The following LIMK2 variants were observed in gnomAD, a reference collection of about 807,000 sequenced individuals.
The protein encoded by LIMK2 is LIM domain kinase 2.
Under a neutral mutation model 75.7 loss-of-function variants are expected in LIMK2, and 35 were observed. The ratio of observed to expected loss-of-function variants is 0.46; its 90% confidence interval spans 0.35 to 0.61. The LOEUF is 0.61. Among genes scored for constraint, LIMK2 ranks in the 20% least tolerant of loss-of-function variants. LIMK2 has a pLI of 0.00. For synonymous variants in LIMK2, 301 were observed against 319.2 expected (o/e 0.94, Z 0.61); for missense variants, 623 against 831.0 (o/e 0.75, Z 3.08).
At chr22:31,277,449 C>A in intron 15 of LIMK2, 1 of 1,151,356 alleles carries the variant, frequency 8.7e-7, no homozygotes, top group Non-Finnish European at 1.1e-6. Flanking sequence ...TCCAGCGGTC[C>A]ACATTAGAGT....
chr22:31,272,786 G>A, intron 13 of LIMK2, 82 bp downstream of exon 13: 1 of 1,496,652 alleles, frequency 6.7e-7, no homozygotes, highest in East Asian at 2.3e-5. Context: ...GAATTCCAGG[G>A]GAGGCCTGTG....
rs541785326 is a variant in LIMK2 at position 31,218,234 on chromosome 22, G to C, written c.16+5810G>C. 4.6e-5 allele frequency among the ~76,000 whole-genome samples: 7 copies of C among 152,344 alleles called. No homozygotes were observed. In the South Asian group the frequency reaches 1.4e-3, roughly 32 times the overall value. Reference sequence around the variant, plus strand: ...TTTTAAAGATTAGGAGACAAGCTCAGAGAGGTCAAATAATTTGCCCAAGGA... The same window carrying C: ...TTTTAAAGATTAGGAGACAAGCTCACAGAGGTCAAATAATTTGCCCAAGGA... On this transcript the variant is annotated intron_variant, in intron 1 of 15. Coordinates refer to ENST00000331728, the MANE Select transcript of LIMK2 (RefSeq NM_005569.4).
intron 1 of LIMK2, among the ~76,000 whole-genome samples, chr22:31,219,623 G>T (rs1414976364): frequency 6.6e-6 from 1 of 152,022 alleles, no homozygotes; most frequent in African/African-American, 2.4e-5. Flanking sequence ...CCAAGCTGGA[G>T]CGCAGTGGCA....
chr22:31,226,058 C>T (rs1410021049), intron 2 of LIMK2, among the ~76,000 whole-genome samples: 1 of 152,104 alleles, frequency 6.6e-6, no homozygotes, highest in Non-Finnish European at 1.5e-5. Flanking sequence ...ATGAGAGGAG[C>T]CCTTTCCAGG....
At chr22:31,212,552 G>T (rs2048355911) in intron 1 of LIMK2, 128 bp downstream of exon 1, 15 of 918,874 alleles carry the variant, frequency 1.6e-5, no homozygotes, top group Non-Finnish European at 2.2e-5. Flanking sequence ...GAGCTCCTCA[G>T]AAAAGCTGGG....
At position 31,262,870 on chromosome 22, in the gene LIMK2, A is replaced by G; in HGVS notation, c.854+79A>G. On this transcript the variant is annotated intron_variant, in intron 7 of 15. Transcript: ENST00000331728. The surrounding 1 kb of genome is among the most constrained non-coding windows in gnomAD (Gnocchi z 5.0). ...GCTGAGCTGGCTTTCAGAAGCCTGCAGAGTTAGGAAAGGAACCAGCTGGCC... is the reference window on the plus strand; with the variant it reads ...GCTGAGCTGGCTTTCAGAAGCCTGCGGAGTTAGGAAAGGAACCAGCTGGCC... 1 of 1,301,906 alleles carries G rather than the reference A, an allele frequency of 7.7e-7. No individual in the cohort carries two copies. The highest frequency in any genetic ancestry group is 1.0e-6 in the Non-Finnish European group (1 of 962,752). The allele number at this position is 1,301,906 out of a possible 1,614,324, so 80.6% of individuals were successfully genotyped here. A position where few individuals can be genotyped will look rare whatever the true frequency, so the allele number is the denominator to read the frequency against.
At chr22:31,246,730 G>A (rs1418795093) in intron 2 of LIMK2, among the ~76,000 whole-genome samples, 1 of 138,884 alleles carries the variant, frequency 7.2e-6, no homozygotes, top group Admixed American at 7.8e-5. Flanking sequence ...CCGCACTCCA[G>A]CCTGAGTGAC....
rs150879614 is a variant in LIMK2, at chr22:31,245,697, C to G, written c.117-12594C>G. On this transcript the variant is annotated intron_variant, in intron 2 of 15. Coordinates refer to ENST00000331728, the MANE Select transcript of LIMK2 (RefSeq NM_005569.4). Reference sequence around the variant, plus strand: ...TCAAGCAGTCCTCCCTCCTTGGCCTCTCGAATGCTGGGATTATAGGCATGA... The same window carrying G: ...TCAAGCAGTCCTCCCTCCTTGGCCTGTCGAATGCTGGGATTATAGGCATGA... Among the ~76,000 whole-genome samples the G allele has an allele frequency of 3.3e-5, 5 of 152,078 alleles. No homozygotes were observed. In the East Asian group the frequency reaches 9.7e-4, roughly 29 times the overall value.
chr22:31,220,177 C>G (rs185683087), intron 1 of LIMK2, among the ~76,000 whole-genome samples: 1 of 152,286 alleles, frequency 6.6e-6, no homozygotes, highest in Non-Finnish European at 1.5e-5. Context: ...TGAAGAGGGT[C>G]TGGGCGTAGG....
At chr22:31,260,365 A>T (rs541933909) in intron 5 of LIMK2, among the ~76,000 whole-genome samples, 1 of 152,314 alleles carries the variant, frequency 6.6e-6, no homozygotes, top group East Asian at 1.9e-4. Context: ...TATGTGTATT[A>T]GTTGTTTATC....
intron 8 of LIMK2, 48 bp from the exon 9 acceptor site, chr22:31,266,936 C>T: frequency 7.4e-7 from 1 of 1,353,962 alleles, no homozygotes; most frequent in Non-Finnish European, 1.0e-6. Flanking sequence ...AACAGTTCTC[C>T]AGAACTTCCT....
intron 2 of LIMK2, among the ~76,000 whole-genome samples, chr22:31,236,378 C>T (rs1002612751): frequency 7.3e-5 from 11 of 150,554 alleles, no homozygotes; most frequent in Non-Finnish European, 1.2e-4. Context: ...GAGGCCTAGG[C>T]GGGAGGATTG....
chr22:31,217,488 C>G (rs1329775308), intron 1 of LIMK2, among the ~76,000 whole-genome samples: 1 of 152,134 alleles, frequency 6.6e-6, no homozygotes, highest in Non-Finnish European at 1.5e-5. Flanking sequence ...GTTTCCTCTT[C>G]CGTAAAATGA....
intron 2 of LIMK2, chr22:31,248,325 C>G: frequency 8.3e-7 from 1 of 1,208,062 alleles, no homozygotes; most frequent in Non-Finnish European, 1.0e-6. Flanking sequence ...TCCCTCCCTC[C>G]CTCATTCAGG....
chr22:31,244,085 T>C (rs2123804892), intron 2 of LIMK2, among the ~76,000 whole-genome samples: 1 of 152,304 alleles, frequency 6.6e-6, no homozygotes, highest in South Asian at 2.1e-4. Flanking sequence ...CTCTCACTTA[T>C]TCCCCACCCA....
rs1236620924 is a variant in LIMK2, at chr22:31,225,804, A to T, written c.101A>T (p.His34Leu). The part of the protein sequence containing the change: ...IWYRTVNETW[H>L]GSCFRCSECQ... ...TACAGGACTGTCAACGAAACCTGGC[A>T]CGGCTCTTGCTTCCGGTAGGTGGGC... Residue 34 changes from histidine to leucine, a missense_variant, in exon 2 of 16, where the codon CAC (histidine) becomes CTC (leucine). Coordinates refer to ENST00000331728, the MANE Select transcript of LIMK2 (RefSeq NM_005569.4). 1 of 1,613,832 alleles carries T rather than the reference A, an allele frequency of 6.2e-7. No homozygotes were observed. The highest frequency in any genetic ancestry group is 1.7e-5 in the Admixed American group (1 of 60,012).
chr22:31,266,973 C>T lies in LIMK2; in HGVS notation c.1042-11C>T, dbSNP rs1428183199. Reference sequence around the variant, plus strand: ...TGGTCTCAGCACCATTAACAGTCACCCTCCCTGTAGGTGACACACAAAGCC... The same window carrying T: ...TGGTCTCAGCACCATTAACAGTCACTCTCCCTGTAGGTGACACACAAAGCC... On this transcript the variant is annotated splice_polypyrimidine_tract_variant and intron_variant, in intron 8 of 15. Transcript: ENST00000331728. 3.8e-6 allele frequency: 6 copies of T among 1,593,650 alleles called. No individual in the cohort carries two copies. The highest frequency in any genetic ancestry group is 5.2e-6 in the Non-Finnish European group (6 of 1,164,952).
chr22:31,227,862 G>T (rs1278123057), intron 2 of LIMK2, among the ~76,000 whole-genome samples: 1 of 152,168 alleles, frequency 6.6e-6, no homozygotes, highest in Non-Finnish European at 1.5e-5. Context: ...AGAACTAGAA[G>T]AAACCACCCA....
intron 1 of LIMK2, among the ~76,000 whole-genome samples, chr22:31,220,566 A>G (rs746966095): frequency 2.7e-4 from 41 of 152,240 alleles, no homozygotes; most frequent in Admixed American, 9.2e-4. Flanking sequence ...AGAGAGAAAC[A>G]TATGCAGTGA....
Sources: gnomAD v4.1 joint callset for allele counts (sites outside exome capture counted in the v4.1 genomes callset) on GRCh38, gnomAD v4.1.1 for gene constraint, Gnocchi (gnomAD v3.1) non-coding constraint, MANE v1.5 for transcripts, NCBI Gene and HGNC (gene_info 2026-07-23, HGNC 2026-07-21) for gene names.